TENM3: variants seen among roughly 807,000 people sequenced by gnomAD.
The protein encoded by TENM3 is teneurin transmembrane protein 3, also known as teneurin-3.
In TENM3, 63 loss-of-function variants were observed where a neutral mutation model predicts 255.1. The observed-to-expected ratio is 0.25, with a 90% confidence interval of 0.20 to 0.30. The LOEUF is 0.30. TENM3 is among the 10% of genes least tolerant of loss of function. TENM3 has a pLI of 1.00. For missense variants in TENM3, 2,929 were observed against 3,461.1 expected (o/e 0.85, Z 3.86); for synonymous variants, 1,306 against 1,322.3 (o/e 0.99, Z 0.27).
the TENM3 span, among the ~76,000 whole-genome samples, chr4:181,921,589 C>T: frequency 6.6e-6 from 1 of 152,238 alleles, no homozygotes; most frequent in South Asian, 2.1e-4. Flanking sequence ...GATTTTGTAT[C>T]CTGAGACTTT....
At chr4:182,420,718 A>T (rs750448298) in intron 3 of TENM3, among the ~76,000 whole-genome samples, 1 of 152,232 alleles carries the variant, frequency 6.6e-6, no homozygotes. Flanking sequence ...ATGAGGATTG[A>T]TGAATGGATA....
rs183185065 is a variant in TENM3, at chr4:182,616,897, G to A, written c.750-11754G>A. Among the ~76,000 whole-genome samples, 96 of 152,194 alleles carry A rather than the reference G, an allele frequency of 6.3e-4. 1 individual carries two copies. The highest frequency in any genetic ancestry group is 3.4e-3 in the Middle Eastern group (1 of 294). ...ATTTTCTATGGGGGCTTTTTCTTTA[G>A]TTTTCTGTTTAATAGCTGCCAGAAA... On this transcript the variant is annotated intron_variant, in intron 4 of 27. Transcript: ENST00000511685.
the TENM3 span, among the ~76,000 whole-genome samples, chr4:181,767,132 G>T: frequency 6.8e-6 from 1 of 146,192 alleles, no homozygotes; most frequent in Non-Finnish European, 1.5e-5. Flanking sequence ...GGCGCCTGTA[G>T]TCCCAGCTAC....
At chr4:181,874,972 C>T in the TENM3 span, among the ~76,000 whole-genome samples, 1 of 152,204 alleles carries the variant, frequency 6.6e-6, no homozygotes, top group Admixed American at 6.5e-5. Flanking sequence ...TTGTATATAT[C>T]GTGTCCAGTT....
At position 182,302,909 on chromosome 4, in the gene TENM3, AC is replaced by A. The variant is rs555505684; in HGVS notation, c.-75-21036del. The stretch of plus-strand genomic sequence containing the variant: ...CTTTGACTAATGGAAGATCCTGACC[AC>A]ATATCATCTTAAGCACCTCTTCACA... On this transcript the variant is annotated intron_variant, in intron 1 of 27. Coordinates refer to ENST00000511685, the MANE Select transcript of TENM3 (RefSeq NM_001080477.4). Among the ~76,000 whole-genome samples, 21 of 152,318 alleles carry A rather than the reference AC, an allele frequency of 1.4e-4. 1 individual carries two copies. The East Asian group carries it at 4.0e-3, about 29-fold the overall frequency.
the TENM3 span, among the ~76,000 whole-genome samples, chr4:181,948,995 T>C: frequency 6.6e-6 from 1 of 152,026 alleles, no homozygotes; most frequent in Non-Finnish European, 1.5e-5. Flanking sequence ...CTCTCATTAA[T>C]GTTAATTAGA....
At chr4:182,714,400 T>C (rs1758998143) in intron 13 of TENM3, among the ~76,000 whole-genome samples, 167 bp downstream of exon 13, 1 of 151,272 alleles carries the variant, frequency 6.6e-6, no homozygotes. Flanking sequence ...ATGATTTTGC[T>C]CTCCATTTTT....
At position 182,800,393 on chromosome 4, in the gene TENM3, A is replaced by C. The variant is rs1354946109; in HGVS notation, c.*42A>C. ...GCCGAGCCGCTCACGCCCTGCCCAC[A>C]TTGTCCTGTGGCACAACCCGAGTGG... On this transcript the variant is annotated 3_prime_UTR_variant, in exon 28 of 28. Transcript: ENST00000511685. The C allele has an allele frequency of 6.6e-7, 1 of 1,518,912 alleles. No homozygotes were observed. The highest frequency in any genetic ancestry group is 2.0e-5 in the Admixed American group (1 of 48,982). 94.1% of individuals were successfully genotyped at this position (1,518,912 alleles called of 1,614,324 possible). A position where few individuals can be genotyped will look rare whatever the true frequency, so the allele number is the denominator to read the frequency against.
chr4:182,213,774 G>A (rs1755214028), intron 1 of TENM3, among the ~76,000 whole-genome samples: 1 of 152,136 alleles, frequency 6.6e-6, no homozygotes, highest in Non-Finnish European at 1.5e-5. Context: ...ATTGTCTAGA[G>A]ATAAGAGATG....
At chr4:182,056,736 A>C in the TENM3 span, among the ~76,000 whole-genome samples, 1 of 152,104 alleles carries the variant, frequency 6.6e-6, no homozygotes, top group Admixed American at 6.6e-5. Context: ...GGTGTTATCC[A>C]CTGTTAATTC....
intron 3 of TENM3, among the ~76,000 whole-genome samples, chr4:182,405,374 G>T (rs1218208348): frequency 6.6e-6 from 1 of 152,168 alleles, no homozygotes; most frequent in African/African-American, 2.4e-5. Flanking sequence ...CTTTTCCTTT[G>T]TATACTGATG....
At chr4:182,159,734 G>A (rs1750981572) in intron 1 of TENM3, among the ~76,000 whole-genome samples, 1 of 152,166 alleles carries the variant, frequency 6.6e-6, no homozygotes, top group Non-Finnish European at 1.5e-5. Context: ...CCCGTGGATG[G>A]CCGGAGAAGT....
chr4:182,483,723 T>TAAACTGTGAGCCTG lies in TENM3; in HGVS notation c.512-117201_512-117200insAAACTGTGAGCCTG, dbSNP rs1561494997. 2.0e-5 allele frequency among the ~76,000 whole-genome samples: 3 copies of TAAACTGTGAGCCTG among 152,112 alleles called. No individual in the cohort carries two copies. In the East Asian group the frequency reaches 5.8e-4, roughly 29 times the overall value. The stretch of plus-strand genomic sequence containing the variant: ...TTCTTTATAAAGAAAAGGGGTTTCA[T>TAAACTGTGAGCCTG]TGGCTCACAGTTCCACAGGCTGTAC... On this transcript the variant is annotated intron_variant, in intron 3 of 27. Coordinates refer to ENST00000511685, the MANE Select transcript of TENM3 (RefSeq NM_001080477.4).
chr4:181,641,355 C>T, the TENM3 span, among the ~76,000 whole-genome samples: 1 of 151,238 alleles, frequency 6.6e-6, no homozygotes, highest in Non-Finnish European at 1.5e-5. Context: ...CCCGGCAGGG[C>T]CCGGTGTGTG....
In TENM3 at chr4:182,680,367, T is replaced by G. The variant is rs1219754320; in HGVS notation, c.1639+18T>G. ...TTCAAGAGGTATGCAAGTTAGATTC[T>G]TCTCTTAAGCCGATATAAATAAGCT... On this transcript the variant is annotated intron_variant, in intron 9 of 27. Transcript: ENST00000511685. 17 of 1,589,382 alleles carry G rather than the reference T, an allele frequency of 1.1e-5. No individual in the cohort carries two copies. Among genetic ancestry groups the G allele is most frequent in the Non-Finnish European group, 1.5e-5 (17 of 1,159,840 alleles).
intron 3 of TENM3, among the ~76,000 whole-genome samples, chr4:182,394,201 T>G (rs1344989204): frequency 1.3e-5 from 2 of 152,182 alleles, no homozygotes; most frequent in Non-Finnish European, 2.9e-5. Flanking sequence ...TGGTTTCTTT[T>G]GCTGCCTAAT....
At chr4:182,201,865 T>A (rs1754206128) in intron 1 of TENM3, among the ~76,000 whole-genome samples, 1 of 152,166 alleles carries the variant, frequency 6.6e-6, no homozygotes, top group Non-Finnish European at 1.5e-5. Flanking sequence ...AGTACTGAAA[T>A]TTCTGGAAAA....
the TENM3 span, among the ~76,000 whole-genome samples, chr4:181,712,185 T>C: frequency 2.0e-5 from 3 of 152,174 alleles, no homozygotes; most frequent in Admixed American, 1.3e-4. Flanking sequence ...ATACCTTCTG[T>C]AGACTTTAAG....
the TENM3 span, among the ~76,000 whole-genome samples, chr4:181,627,582 G>A: frequency 1.7e-4 from 26 of 152,148 alleles, no homozygotes; most frequent in Admixed American, 6.5e-5. Flanking sequence ...GAGAACATGC[G>A]GTGTTTGGTT....
Sources: gnomAD v4.1 joint callset for allele counts (sites outside exome capture counted in the v4.1 genomes callset) on GRCh38, gnomAD v4.1.1 for gene constraint, MANE v1.5 for transcripts, NCBI Gene and HGNC (gene_info 2026-07-23, HGNC 2026-07-21) for gene names.